Variants in GET1 observed in about 807,000 individuals in gnomAD.
GET1 encodes congenital heart disease 5 protein.
Under a neutral mutation model 22.6 loss-of-function variants are expected in GET1, and 20 were observed. The observed-to-expected ratio is 0.89, with a 90% CI of 0.62 to 1.29. The LOEUF (loss-of-function observed/expected upper bound fraction) is 1.29. GET1 is among the 50% of genes most tolerant of loss of function. The pLI, the probability that GET1 is intolerant of heterozygous loss-of-function variation, is 0.00. For missense variants in GET1, 209 were observed against 219.9 expected, an observed-to-expected ratio of 0.95 and a Z score of 0.31; for synonymous variants, 92 against 83.8, an observed-to-expected ratio of 1.10 and a Z score of -0.53.
At chr21:39,396,814 T>TG (rs1158718429) in intron 4 of GET1, 52 bp from the exon 5 acceptor site, 1 of 1,513,014 alleles carries the variant, frequency 6.6e-7, no homozygotes, top group East Asian at 2.3e-5. Flanking sequence ...CAGAGACAGA[T>TG]GGGGGCAGCA....
chr21:39,405,182 C>G, intron 4 of GET1, among the ~76,000 whole-genome samples: 1 of 151,826 alleles, frequency 6.6e-6, no homozygotes, highest in East Asian at 1.9e-4. Context: ...TGTTCCCTTT[C>G]AAAGCTGCTG....
rs925340375 is a variant in GET1 at position 39,387,696 on chromosome 21, C to G, written c.103-3002C>G. Reference sequence around the variant, plus strand: ...ACCCCCCCTACTCCCCACACTCCCCCCCCCCACTTTTGCCTCATCACGCAG... The same window carrying G: ...ACCCCCCCTACTCCCCACACTCCCCGCCCCCACTTTTGCCTCATCACGCAG... On this transcript the variant is annotated intron_variant, in intron 1 of 4. Coordinates refer to ENST00000649170, the MANE Select transcript of GET1 (RefSeq NM_004627.6). 9.3e-6 allele frequency: 7 copies of G among 750,482 alleles called. No homozygotes were observed. In the Admixed American group the frequency reaches 3.1e-4, roughly 34 times the overall value. 46.5% of individuals were successfully genotyped at this position (750,482 alleles called of 1,614,324 possible).
At chr21:39,406,758 G>A (rs184254272), downstream of GET1, 1 of 613,306 alleles carries the variant, frequency 1.6e-6, no homozygotes, top group African/African-American at 1.8e-5. Context: ...ATAGACAAAA[G>A]ATTACAGAGA....
chr21:39,410,972 G>T (rs368325025), downstream of GET1: 108 of 468,958 alleles, frequency 2.3e-4, no homozygotes, highest in African/African-American at 2.1e-3. Context: ...AGTCGAATCT[G>T]TTGCTGGGAG....
downstream of GET1, chr21:39,406,646 T>C: frequency 6.8e-7 from 1 of 1,478,618 alleles, no homozygotes; most frequent in Non-Finnish European, 9.1e-7. Flanking sequence ...TAGTGCTGTT[T>C]AAAATGAATG....
chr21:39,390,807 G>C lies in GET1; in HGVS notation c.212G>C (p.Arg71Thr). Residue 71 changes from arginine to threonine, a missense_variant, in exon 2 of 5, where the codon AGA becomes ACA. Coordinates refer to ENST00000649170, the MANE Select transcript of GET1 (RefSeq NM_004627.6). ...STVNMMDEFARYARLERKINK... is the reference protein window; with the variant it reads ...STVNMMDEFATYARLERKINK... ...GTCAACATGATGGACGAGTTTGCCA[G>C]ATATGCCAGGCTGGAAAGAAAGATC... 1 of 1,614,218 alleles carries C rather than the reference G, an allele frequency of 6.2e-7. No homozygotes were observed. Among genetic ancestry groups the C allele is most frequent in the Non-Finnish European group, 8.5e-7 (1 of 1,180,048 alleles).
intron 1 of GET1, among the ~76,000 whole-genome samples, chr21:39,383,246 G>A (rs536326801): frequency 4.8e-4 from 72 of 149,090 alleles, no homozygotes; most frequent in African/African-American, 1.5e-3. Flanking sequence ...GTGCCACCGC[G>A]CCCAGCCTAT....
chr21:39,382,051 C>T (rs1357455243), intron 1 of GET1, among the ~76,000 whole-genome samples: 2 of 149,644 alleles, frequency 1.3e-5, no homozygotes, highest in Non-Finnish European at 3.0e-5. Flanking sequence ...GCTCCCAGAA[C>T]ATTTTCTTTT....
intron 4 of GET1, among the ~76,000 whole-genome samples, chr21:39,403,885 T>C (rs2038914436): frequency 6.6e-6 from 1 of 152,116 alleles, no homozygotes; most frequent in Non-Finnish European, 1.5e-5. Context: ...CCTCCCAAAG[T>C]GTTGGGATTA....
intron 1 of GET1, chr21:39,420,896 A>C: frequency 1.4e-6 from 2 of 1,415,990 alleles, no homozygotes; most frequent in South Asian, 1.2e-5. Context: ...TATGTTAAAA[A>C]CTTCAATTAT....
chr21:39,411,759 C>A, intron 1 of GET1: 1 of 1,589,340 alleles, frequency 6.3e-7, no homozygotes. Flanking sequence ...TTTAAGTATT[C>A]GATGACTATA....
At chr21:39,384,221 T>C (rs2037740291) in intron 1 of GET1, among the ~76,000 whole-genome samples, 1 of 151,944 alleles carries the variant, frequency 6.6e-6, no homozygotes, top group African/African-American at 2.4e-5. Flanking sequence ...CCAGTTGTTT[T>C]TTGTTGTTGA....
intron 1 of GET1, among the ~76,000 whole-genome samples, chr21:39,388,013 T>G (rs575068923): frequency 1.3e-5 from 2 of 152,330 alleles, no homozygotes; most frequent in African/African-American, 4.8e-5. Flanking sequence ...GATAACTGAT[T>G]TTGTTTCCTG....
At chr21:39,406,662 CTA>C (rs767163220), downstream of GET1, 11 of 1,404,550 alleles carry the variant, frequency 7.8e-6, no homozygotes, top group Non-Finnish European at 1.1e-5. Flanking sequence ...GAATGGATCT[CTA>C]TTTCAAGATG....
chr21:39,399,678 T>C (rs570667888), downstream of GET1, among the ~76,000 whole-genome samples: 1 of 152,264 alleles, frequency 6.6e-6, no homozygotes, highest in East Asian at 1.9e-4. Context: ...TGACCTCAGG[T>C]GATCCACCTG....
chr21:39,425,430 C>A (rs1271197706), intron 1 of GET1, among the ~76,000 whole-genome samples: 3 of 152,164 alleles, frequency 2.0e-5, no homozygotes, highest in African/African-American at 7.2e-5. Context: ...GGTGGCCTGT[C>A]TTTGCAATTA....
At chr21:39,401,833 T>C (rs1358119212), downstream of GET1, among the ~76,000 whole-genome samples, 1 of 152,180 alleles carries the variant, frequency 6.6e-6, no homozygotes, top group Admixed American at 6.5e-5. Context: ...CAGTGATCTT[T>C]GATGTTACTA....
intron 1 of GET1, among the ~76,000 whole-genome samples, chr21:39,426,537 C>T (rs1221573927): frequency 1.3e-5 from 2 of 152,184 alleles, no homozygotes; most frequent in Non-Finnish European, 2.9e-5. Context: ...GTATTTTCCA[C>T]AGTTCTCTCA....
At chr21:39,428,194 A>G in intron 1 of GET1, 1 of 1,583,114 alleles carries the variant, frequency 6.3e-7, no homozygotes, top group Non-Finnish European at 8.6e-7. Flanking sequence ...AGATTTTAGA[A>G]ACATTATACT....
Sources: gnomAD v4.1 joint callset for allele counts (sites outside exome capture counted in the v4.1 genomes callset) on GRCh38, gnomAD v4.1.1 for gene constraint, MANE v1.5 for transcripts, NCBI Gene and HGNC (gene_info 2026-07-23, HGNC 2026-07-21) for gene names.